PRR5: variants seen among roughly 807,000 people sequenced by gnomAD.
PRR5 encodes proline rich 5.
Under a neutral mutation model 30.6 loss-of-function variants are expected in PRR5, and 25 were observed. That is an observed-to-expected ratio of 0.82 (90% CI 0.60 to 1.14). The LOEUF is 1.14. Among genes scored for constraint, PRR5 ranks in the 50% most tolerant of loss-of-function variants. The probability of loss-of-function intolerance (pLI) is 0.00; values close to 1 mark genes in which losing one functional copy is unlikely to be tolerated. For synonymous variants in PRR5, 286 were observed against 247.1 expected, an observed-to-expected ratio of 1.16 and a Z score of -1.48; for missense variants, 600 against 547.1, an observed-to-expected ratio of 1.10 and a Z score of -0.96.
In PRR5 at chr22:44,736,953, G is replaced by A. The variant is rs753093304; in HGVS notation, c.873G>A (p.Glu291=). The A allele has an allele frequency of 9.3e-6, 15 of 1,604,574 alleles. No homozygotes were observed. In the African/African-American group the frequency reaches 1.3e-4, roughly 14 times the overall value. ...TGTCGGAGATGACGTCCTGCCCCGA[G>A]CCTCAGGGCTTCTCCGACCCGCCCG... ...HSVSEMTSCP[E]PQGFSDPPGQ... Residue 291 remains glutamate, a synonymous_variant, in exon 8 of 8, where the codon GAG becomes GAA. Transcript: ENST00000336985.
At chr22:44,732,783 G>T (rs941431065) in intron 6 of PRR5, among the ~76,000 whole-genome samples, 7 of 143,572 alleles carry the variant, frequency 4.9e-5, no homozygotes, top group Non-Finnish European at 8.9e-5. Context: ...CTGTGTGCAC[G>T]CACATACTAC....
At chr22:44,697,863 G>A (rs9626530), upstream of PRR5, among the ~76,000 whole-genome samples, 7,992 of 152,290 alleles carry the variant, frequency 0.052, 460 homozygotes, top group African/African-American at 0.14. Flanking sequence ...ACGAGTCGGG[G>A]CAGTGTGTTT....
chr22:44,698,742 TC>T (rs1458647182), upstream of PRR5, among the ~76,000 whole-genome samples: 1 of 152,212 alleles, frequency 6.6e-6, no homozygotes, highest in African/African-American at 2.4e-5. Flanking sequence ...TGTCAATCTC[TC>T]CGTTGTAAAA....
intron 1 of PRR5, among the ~76,000 whole-genome samples, chr22:44,713,833 T>C (rs925464777): frequency 1.3e-5 from 2 of 152,246 alleles, no homozygotes; most frequent in African/African-American, 4.8e-5. Flanking sequence ...AGACGGACTG[T>C]TGCTCTGTCG....
chr22:44,701,101 T>G (rs1295361877), upstream of PRR5, among the ~76,000 whole-genome samples: 1 of 152,140 alleles, frequency 6.6e-6, no homozygotes, highest in Non-Finnish European at 1.5e-5. Context: ...GGGCTGGTCT[T>G]GAACTCCTGA....
intron 1 of PRR5, among the ~76,000 whole-genome samples, chr22:44,696,006 C>T (rs1413271727): frequency 7.2e-6 from 1 of 139,288 alleles, no homozygotes; most frequent in Non-Finnish European, 1.5e-5. Context: ...TCACTGAAAC[C>T]TCCACCTCCC....
At chr22:44,720,111 C>T (rs1017820922) in intron 2 of PRR5, among the ~76,000 whole-genome samples, 3 of 152,208 alleles carry the variant, frequency 2.0e-5, no homozygotes, top group Non-Finnish European at 2.9e-5. Context: ...CCTAGCATGC[C>T]TGGGGCTGGC....
chr22:44,719,475 A>ATTATCCCTGACATGTCATTG (rs1929605597), intron 2 of PRR5, among the ~76,000 whole-genome samples: 1 of 152,198 alleles, frequency 6.6e-6, no homozygotes, highest in Non-Finnish European at 1.5e-5. Context: ...TTTGGATGAC[A>ATTATCCCTGACATGTCATTG]TTATCCCTGA....
At position 44,737,186 on chromosome 22, in the gene PRR5, G is replaced by C. The variant is rs374422808; in HGVS notation, c.1106G>C (p.Arg369Pro). Residue 369 changes from arginine (R) to proline (P), a missense_variant, in exon 8 of 8, where the codon CGG (arginine) becomes CCG (proline). Arg to Pro is a moderately radical substitution (Grantham distance 103, BLOSUM62 -2). Transcript: ENST00000336985. ...DSEGIFIDFGRGRGSGMSDLE... is the reference protein window; with the variant it reads ...DSEGIFIDFGPGRGSGMSDLE... ...GAAGGGATTTTCATTGACTTTGGCC[G>C]GGGCCGGGGCTCTGGCATGTCCGAC... 6.2e-7 allele frequency: 1 copy of C among 1,612,326 alleles called. No individual in the cohort carries two copies. The highest frequency in any genetic ancestry group is 1.6e-4 in the Middle Eastern group (1 of 6,062).
At chr22:44,710,210 A>T (rs1316928786) in intron 1 of PRR5, among the ~76,000 whole-genome samples, 1 of 152,056 alleles carries the variant, frequency 6.6e-6, no homozygotes, top group Non-Finnish European at 1.5e-5. Flanking sequence ...CCCAAGCCCC[A>T]GTGGCAGCAG....
Position 44,702,539 on chromosome 22 carries a change from A to G in PRR5, c.65A>G (p.Glu22Gly). ...SPSLSDLGKR[E>G]PAAAADERGT... The stretch of plus-strand genomic sequence containing the variant: ...AGCCTCAGTGACCTGGGCAAGAGAG[A>G]GCCGGCCGCCGCCGCGGACGAGCGG... The change falls in exon 1 of 8, where the codon GAG becomes GGG. Residue 22 changes from glutamate (E) to glycine (G), a missense_variant. Transcript: ENST00000336985. The G allele has an allele frequency of 6.9e-7, 1 of 1,450,508 alleles. No individual in the cohort carries two copies. The highest frequency in any genetic ancestry group is 9.1e-7 in the Non-Finnish European group (1 of 1,100,930). The allele number at this position is 1,450,508 out of a possible 1,614,324, so 89.9% of individuals were successfully genotyped here.
intron 4 of PRR5, among the ~76,000 whole-genome samples, chr22:44,728,825 C>G (rs61161651): frequency 0.026 from 3,971 of 152,310 alleles, 163 homozygotes; most frequent in African/African-American, 0.088. Flanking sequence ...CAGGACCTTG[C>G]CCCCTGCCCC....
chr22:44,679,974 G>A (rs9626514), intron 1 of PRR5: 97,646 of 1,275,136 alleles, frequency 0.077, 5,087 homozygotes, highest in East Asian at 0.28. Context: ...GGAAAGGTGA[G>A]TAGGACGGCG....
At chr22:44,688,504 A>G (rs1924958763) in intron 1 of PRR5, among the ~76,000 whole-genome samples, 1 of 152,232 alleles carries the variant, frequency 6.6e-6, no homozygotes, top group Non-Finnish European at 1.5e-5. Context: ...ACCCAGCTCC[A>G]TCGGCAAGGA....
At chr22:44,672,562 C>T (rs369093813), upstream of PRR5, among the ~76,000 whole-genome samples, 3 of 152,236 alleles carry the variant, frequency 2.0e-5, no homozygotes, top group South Asian at 4.2e-4. Flanking sequence ...CCAGCCTGGG[C>T]AAGACAGAGC....
At chr22:44,673,370 TG>T (rs1360676657), upstream of PRR5, among the ~76,000 whole-genome samples, 1 of 152,224 alleles carries the variant, frequency 6.6e-6, no homozygotes, top group East Asian at 1.9e-4. Flanking sequence ...CAAATAATAA[TG>T]GCCAATGCAT....
chr22:44,687,231 A>C (rs1430553447), intron 1 of PRR5, among the ~76,000 whole-genome samples: 2 of 152,230 alleles, frequency 1.3e-5, no homozygotes, highest in Admixed American at 6.5e-5. Context: ...GTTTGATCAA[A>C]TCCGGGTAAT....
intron 3 of PRR5, among the ~76,000 whole-genome samples, chr22:44,726,174 C>A (rs1920942884): frequency 1.3e-5 from 2 of 152,224 alleles, no homozygotes; most frequent in Non-Finnish European, 2.9e-5. Context: ...CGAGCCACCC[C>A]AGGCAGTGCG....
rs891149963 is a variant in PRR5 at position 44,679,746 on chromosome 22, C to G, written c.-11+2506C>G. ...AACAATAATAGTAAGACTCAGCCTC[C>G]CCGCTCTGGGACACTCAGTCTGATG... On this transcript the variant is annotated intron_variant, in intron 1 of 8. Coordinates refer to the PRR5 transcript ENST00000006251. 2.8e-6 allele frequency: 4 copies of G among 1,450,818 alleles called. No individual in the cohort carries two copies. The African/African-American group carries it at 5.7e-5, about 21-fold the overall frequency. 89.9% of individuals were successfully genotyped at this position (1,450,818 alleles called of 1,614,324 possible).
Sources: gnomAD v4.1 joint callset for allele counts (sites outside exome capture counted in the v4.1 genomes callset) on GRCh38, gnomAD v4.1.1 for gene constraint, MANE v1.5 for transcripts, NCBI Gene and HGNC (gene_info 2026-07-23, HGNC 2026-07-21) for gene names.